The following DSCAM variants were observed in gnomAD, a reference collection of about 807,000 sequenced individuals.
DSCAM encodes cell adhesion molecule DSCAM.
A neutral mutation model predicts 217.7 loss-of-function variants in DSCAM; 47 were observed. That is an observed-to-expected ratio of 0.22 (90% CI 0.17 to 0.28). DSCAM has a LOEUF of 0.28. Among genes scored for constraint, DSCAM ranks in the 10% least tolerant of loss-of-function variants. The pLI is 1.00. For missense variants in DSCAM, 2,080 were observed against 2,618.3 expected (o/e 0.79, Z 4.49); for synonymous variants, 1,056 against 1,015.3 (o/e 1.04, Z -0.76).
Position 40,339,406 on chromosome 21 carries a change from G to T in DSCAM, c.1220C>A (p.Pro407His). The T allele has an allele frequency of 6.2e-7, 1 of 1,601,006 alleles. No homozygotes were observed. Residue 407 changes from proline to histidine, a missense_variant, in exon 7 of 33, where the codon CCC becomes CAC. Pro to His is a moderately conservative substitution (Grantham distance 77). Coordinates refer to ENST00000400454, the MANE Select transcript of DSCAM (RefSeq NM_001389.5). ...YVQVVLEDGT[P>H]KIISAFSEKV... The stretch of plus-strand genomic sequence containing the variant: ...TTCACTAAAGGCAGAAATAATTTTG[G>T]GAGTTCCATCTGCAGGAAAACAAAT...
intron 11 of DSCAM, among the ~76,000 whole-genome samples, chr21:40,195,582 G>A (rs535968465): frequency 1.3e-5 from 2 of 152,272 alleles, no homozygotes; most frequent in African/African-American, 4.8e-5. Flanking sequence ...CTGTCCCAGG[G>A]TGTCCAGGAC....
intron 3 of DSCAM, among the ~76,000 whole-genome samples, chr21:40,489,803 A>T (rs1345291071): frequency 6.7e-6 from 1 of 148,568 alleles, no homozygotes; most frequent in Non-Finnish European, 1.5e-5. Flanking sequence ...AAAAAAAAAT[A>T]AGTACCATTG....
chr21:40,607,997 G>C (rs963996570), intron 3 of DSCAM, among the ~76,000 whole-genome samples: 1 of 152,100 alleles, frequency 6.6e-6, no homozygotes, highest in Admixed American at 6.6e-5. Flanking sequence ...AGTGAGGAAG[G>C]GGGGAGTTTC....
At chr21:40,302,872 T>C (rs2074031748) in intron 9 of DSCAM, among the ~76,000 whole-genome samples, 1 of 152,172 alleles carries the variant, frequency 6.6e-6, no homozygotes, top group Admixed American at 6.5e-5. Context: ...GGGGGGTGGA[T>C]TACTTCTGTT....
At chr21:40,537,778 G>A (rs978823780) in intron 3 of DSCAM, among the ~76,000 whole-genome samples, 1 of 152,104 alleles carries the variant, frequency 6.6e-6, no homozygotes, top group Non-Finnish European at 1.5e-5. Context: ...AGCCTCAGAG[G>A]GAACCAGCCC....
intron 11 of DSCAM, among the ~76,000 whole-genome samples, chr21:40,258,748 C>T (rs2073408026): frequency 6.6e-6 from 1 of 152,254 alleles, no homozygotes; most frequent in African/African-American, 2.4e-5. Flanking sequence ...CTACCTTTCT[C>T]AGCATTCCAC....
At chr21:40,402,899 ATTAC>A (rs997916864) in intron 3 of DSCAM, among the ~76,000 whole-genome samples, 1 of 152,202 alleles carries the variant, frequency 6.6e-6, no homozygotes. Context: ...ATTTCTTTGT[ATTAC>A]TTAAGAGAGA....
intron 32 of DSCAM, among the ~76,000 whole-genome samples, chr21:40,029,091 T>C (rs2088465069): frequency 6.6e-6 from 1 of 152,114 alleles, no homozygotes; most frequent in South Asian, 2.1e-4. Context: ...AATTCTCTAT[T>C]CTTTTGAGAA....
chr21:40,449,017 T>A (rs2075697902), intron 3 of DSCAM, among the ~76,000 whole-genome samples: 1 of 152,190 alleles, frequency 6.6e-6, no homozygotes, highest in Admixed American at 6.5e-5. Flanking sequence ...TTATTATTAT[T>A]CCTTTTCCAG....
chr21:40,373,543 C>T (rs1178695641), intron 3 of DSCAM, among the ~76,000 whole-genome samples: 1 of 152,144 alleles, frequency 6.6e-6, no homozygotes, highest in Non-Finnish European at 1.5e-5. Context: ...GATGAAGGGG[C>T]TACTGATACC....
At chr21:40,324,103 C>CAAAAAAAAAAGAAAA (rs2074290039) in intron 8 of DSCAM, among the ~76,000 whole-genome samples, 1 of 27,938 alleles carries the variant, frequency 3.6e-5, no homozygotes, top group Non-Finnish European at 6.0e-5. Flanking sequence ...AACTCTGTCT[C>CAAAAAAAAAAGAAAA]AAAAAAAAAA....
chr21:40,331,032 G>C (rs1439215649), intron 8 of DSCAM, among the ~76,000 whole-genome samples: 6 of 152,140 alleles, frequency 3.9e-5, no homozygotes, highest in African/African-American at 7.2e-5. Context: ...CAGCAAACTG[G>C]AGCTTAAGTT....
intron 27 of DSCAM, among the ~76,000 whole-genome samples, chr21:40,070,176 GA>G (rs2089270276): frequency 6.7e-6 from 1 of 149,780 alleles, no homozygotes; most frequent in Non-Finnish European, 1.5e-5. Flanking sequence ...CAGAAAGAAA[GA>G]GAGAGGAAGA....
intron 27 of DSCAM, 126 bp from the exon 28 acceptor site, chr21:40,063,025 C>T: frequency 1.5e-6 from 1 of 681,942 alleles, no homozygotes; most frequent in Non-Finnish European, 2.2e-6. Flanking sequence ...ATACCCAGCT[C>T]ACTACTAATG....
intron 3 of DSCAM, chr21:40,629,449 T>C (rs972521333): frequency 2.0e-5 from 3 of 152,210 alleles, no homozygotes; most frequent in Admixed American, 6.5e-5. Flanking sequence ...CTATCAACCA[T>C]TGAAGCCAGA....
intron 2 of DSCAM, among the ~76,000 whole-genome samples, chr21:40,706,193 A>G (rs111585274): frequency 1.2e-4 from 18 of 148,892 alleles, no homozygotes; most frequent in Non-Finnish European, 2.1e-4. Context: ...AAAAAAAAAA[A>G]AAAGAAAGAA....
At chr21:40,315,894 CA>C (rs141588114) in intron 8 of DSCAM, among the ~76,000 whole-genome samples, 1,595 of 152,114 alleles carry the variant, frequency 0.01, 28 homozygotes, top group African/African-American at 0.036. Context: ...CCACAATTGG[CA>C]AGCAAAAGGA....
At chr21:40,025,336 T>C (rs964352845) in intron 32 of DSCAM, among the ~76,000 whole-genome samples, 1 of 144,202 alleles carries the variant, frequency 6.9e-6, no homozygotes, top group Non-Finnish European at 1.5e-5. Flanking sequence ...AATTATCTTT[T>C]TTGGTTGTGT....
At chr21:40,793,343 A>T (rs1369522577) in intron 1 of DSCAM, among the ~76,000 whole-genome samples, 2 of 152,164 alleles carry the variant, frequency 1.3e-5, no homozygotes, top group Non-Finnish European at 2.9e-5. Flanking sequence ...ATGCGGAGAG[A>T]GGGTTTGCAG....
Sources: gnomAD v4.1 joint callset for allele counts (sites outside exome capture counted in the v4.1 genomes callset) on GRCh38, gnomAD v4.1.1 for gene constraint, MANE v1.5 for transcripts, NCBI Gene and HGNC (gene_info 2026-07-23, HGNC 2026-07-21) for gene names.